The following TTLL7 variants were observed in gnomAD, a reference collection of about 807,000 sequenced individuals.
TTLL7 encodes the protein tubulin tyrosine ligase like 7.
TTLL7 carries 53 observed loss-of-function variants against 120.2 expected under a neutral mutation model. The ratio of observed to expected loss-of-function variants is 0.44; its 90% CI spans 0.35 to 0.55. The LOEUF (loss-of-function observed/expected upper bound fraction) is 0.55. Among genes scored for constraint, TTLL7 ranks in the 20% least tolerant of loss-of-function variants. The pLI is 0.00. For missense variants in TTLL7, 803 were observed against 1,054.7 expected (o/e 0.76, Z 3.31); for synonymous variants, 353 against 351.7 (o/e 1.00, Z -0.04).
chr1:83,905,509 C>A (rs1322592627), intron 17 of TTLL7, among the ~76,000 whole-genome samples: 7 of 143,684 alleles, frequency 4.9e-5, no homozygotes. Flanking sequence ...CTAGATGGTG[C>A]CCTCTCCTCT....
intron 1 of TTLL7, chr1:83,980,419 C>T (rs1357031430): frequency 6.6e-6 from 1 of 151,962 alleles, no homozygotes; most frequent in African/African-American, 2.4e-5. Context: ...CGCACACCAC[C>T]ATGGGCCTGG....
At chr1:83,967,890 A>G (rs1195167458) in intron 1 of TTLL7, among the ~76,000 whole-genome samples, 3 of 152,064 alleles carry the variant, frequency 2.0e-5, no homozygotes, top group African/African-American at 7.2e-5. Context: ...AAGAGTCAAG[A>G]ATAATAATTT....
intron 1 of TTLL7, among the ~76,000 whole-genome samples, chr1:83,994,507 A>C (rs373008631): frequency 5.3e-5 from 8 of 152,310 alleles, no homozygotes; most frequent in Admixed American, 3.9e-4. Context: ...AATAGAGGAA[A>C]CTGAAGCACA....
intron 9 of TTLL7, among the ~76,000 whole-genome samples, chr1:83,933,220 C>T (rs1332280697): frequency 6.6e-6 from 1 of 152,068 alleles, no homozygotes; most frequent in Non-Finnish European, 1.5e-5. Context: ...GAAGGGGAGA[C>T]ACACTGAAGG....
chr1:83,929,296 A>G (rs1009991397), intron 9 of TTLL7, 66 bp from the exon 10 acceptor site: 20 of 1,233,280 alleles, frequency 1.6e-5, no homozygotes, highest in Admixed American at 1.9e-5. Context: ...TGTTAATCCA[A>G]TGTGGGATCT....
At position 83,882,847 on chromosome 1, in the gene TTLL7, T is replaced by C. The variant is rs534758206; in HGVS notation, c.2543+116A>G. The C allele has an allele frequency of 1.3e-5, 16 of 1,205,776 alleles. No homozygotes were observed. In the South Asian group the frequency reaches 2.1e-4, roughly 16 times the overall value. 74.7% of individuals were successfully genotyped at this position (1,205,776 alleles called of 1,614,324 possible). A position where few individuals can be genotyped will look rare whatever the true frequency, so the allele number is the denominator to read the frequency against. On this transcript the variant is annotated intron_variant, in intron 20 of 20. Coordinates refer to ENST00000260505, the MANE Select transcript of TTLL7 (RefSeq NM_024686.6). ...TTGCAGATAATAGCATGTATGAACTTTCAGTCTTTAGCTTTTTCTCTAGTC... is the reference window on the plus strand; with the variant it reads ...TTGCAGATAATAGCATGTATGAACTCTCAGTCTTTAGCTTTTTCTCTAGTC...
chr1:83,979,214 T>C (rs950212437), intron 1 of TTLL7: 4 of 152,172 alleles, frequency 2.6e-5, no homozygotes, highest in Admixed American at 2.6e-4. Context: ...GATTAGGGTT[T>C]TTCAAGAATA....
At chr1:83,894,116 C>A (rs969731407) in intron 18 of TTLL7, among the ~76,000 whole-genome samples, 1 of 152,148 alleles carries the variant, frequency 6.6e-6, no homozygotes, top group Admixed American at 6.6e-5. Context: ...AGAATCAACA[C>A]TAACTGTAAA....
chr1:83,872,610 G>A (rs1324994349), intron 20 of TTLL7, among the ~76,000 whole-genome samples: 1 of 152,090 alleles, frequency 6.6e-6, no homozygotes, highest in African/African-American at 2.4e-5. Context: ...TTCTTTCAAA[G>A]AATTTCCAAG....
chr1:83,936,018 T>C (rs1370488196), intron 8 of TTLL7, among the ~76,000 whole-genome samples: 2 of 152,192 alleles, frequency 1.3e-5, no homozygotes, highest in African/African-American at 4.8e-5. Flanking sequence ...CCAAGAATGA[T>C]GCAAAATTTA....
chr1:83,943,083 C>A (rs187436638), intron 6 of TTLL7, among the ~76,000 whole-genome samples: 1 of 152,094 alleles, frequency 6.6e-6, no homozygotes, highest in African/African-American at 2.4e-5. Flanking sequence ...TCCTGGAGGA[C>A]CTCAAAGGGC....
intron 6 of TTLL7, among the ~76,000 whole-genome samples, chr1:83,943,724 T>C (rs1435125080): frequency 6.6e-6 from 1 of 152,176 alleles, no homozygotes; most frequent in Non-Finnish European, 1.5e-5. Flanking sequence ...ATGTTCGGAT[T>C]TCAACAAAAT....
intron 9 of TTLL7, among the ~76,000 whole-genome samples, chr1:83,931,601 G>A (rs910056525): frequency 6.6e-5 from 10 of 151,908 alleles, no homozygotes; most frequent in Admixed American, 5.3e-4. Flanking sequence ...GCTACACCAG[G>A]GCAAGTATTC....
At chr1:83,969,128 T>G (rs1468079590) in intron 1 of TTLL7, among the ~76,000 whole-genome samples, 2 of 151,992 alleles carry the variant, frequency 1.3e-5, no homozygotes, top group Non-Finnish European at 2.9e-5. Flanking sequence ...TCAATGTCAG[T>G]ATTTTGTGGT....
chr1:83,881,807 T>C lies in TTLL7; in HGVS notation c.2543+1156A>G, dbSNP rs550337723. Among the ~76,000 whole-genome samples the C allele has an allele frequency of 4.4e-3, 668 of 150,298 alleles. 9 individuals are homozygous for C. The highest frequency in any genetic ancestry group is 0.016 in the African/African-American group (637 of 40,746). ...TGCACACGTATGTTTATTGCGGCAC[T>C]ATTCACAATAGCAAAGACTTGGAAC... On this transcript the variant is annotated intron_variant, in intron 20 of 20. Coordinates refer to ENST00000260505, the MANE Select transcript of TTLL7 (RefSeq NM_024686.6).
rs1265940991 is a variant in TTLL7 at position 83,951,564 on chromosome 1, A to G, written c.157+281T>C. The stretch of plus-strand genomic sequence containing the variant: ...AAGAGCTGACAAAATTAAACTTCAA[A>G]GAAAAATACAATGCCAAGTCCCTTT... On this transcript the variant is annotated intron_variant, in intron 3 of 20. Transcript: ENST00000260505. Among the ~76,000 whole-genome samples, 3 of 152,204 alleles carry G rather than the reference A, an allele frequency of 2.0e-5. No individual in the cohort carries two copies. The East Asian group carries it at 5.8e-4, about 29-fold the overall frequency.
chr1:83,879,678 C>T (rs1654271434), intron 20 of TTLL7, among the ~76,000 whole-genome samples: 1 of 151,910 alleles, frequency 6.6e-6, no homozygotes, highest in African/African-American at 2.4e-5. Flanking sequence ...CAGATGATGA[C>T]CATATGTCTG....
chr1:83,956,113 T>C (rs1649486050), intron 1 of TTLL7, among the ~76,000 whole-genome samples: 1 of 152,152 alleles, frequency 6.6e-6, no homozygotes, highest in African/African-American at 2.4e-5. Context: ...AAAAATTTTA[T>C]TTATGTATTT....
chr1:83,892,845 T>TATATGAACACATAC (rs1163180182), intron 18 of TTLL7, among the ~76,000 whole-genome samples: 1 of 149,244 alleles, frequency 6.7e-6, no homozygotes, highest in Non-Finnish European at 1.5e-5. Context: ...TGAACACATA[T>TATATGAACACATAC]ATGAGTATAT....
Sources: allele counts gnomAD v4.1 joint callset (sites outside exome capture counted in the v4.1 genomes callset), GRCh38; gene constraint gnomAD v4.1.1; transcripts MANE v1.5; gene names NCBI Gene and HGNC (gene_info 2026-07-23, HGNC 2026-07-21).